The following SNTG2 variants were observed in gnomAD, a reference collection of about 807,000 sequenced individuals.
SNTG2 encodes the protein syntrophin gamma 2, also known as gamma-2-syntrophin.
In SNTG2, 74 loss-of-function variants were observed where a neutral mutation model predicts 70.9. That is an observed-to-expected ratio of 1.04 (90% CI 0.86 to 1.27). The LOEUF (loss-of-function observed/expected upper bound fraction) is 1.27. Ranked by LOEUF, SNTG2 falls within the 50% of genes most tolerant of loss-of-function variation. The probability of loss-of-function intolerance (pLI) is 0.00; values close to 1 mark genes in which losing one functional copy is unlikely to be tolerated. For synonymous variants in SNTG2, 278 were observed against 273.8 expected (o/e 1.02, Z -0.15); for missense variants, 717 against 690.7 (o/e 1.04, Z -0.43).
At chr2:1,228,268 A>G (rs999479527) in intron 9 of SNTG2, among the ~76,000 whole-genome samples, 1 of 152,224 alleles carries the variant, frequency 6.6e-6, no homozygotes, top group Non-Finnish European at 1.5e-5. Context: ...TGGCTTTGAC[A>G]TTTACAAAAT....
At chr2:956,228 GCCCCAC>G (rs1243823982) in intron 1 of SNTG2, among the ~76,000 whole-genome samples, 1 of 35,596 alleles carries the variant, frequency 2.8e-5, no homozygotes, top group African/African-American at 1.1e-4. Context: ...CCCCGCCCCT[GCCCCAC>G]CCCTGCCCCG....
At chr2:1,275,417 G>T (rs1679228038) in intron 14 of SNTG2, among the ~76,000 whole-genome samples, 2 of 152,192 alleles carry the variant, frequency 1.3e-5, no homozygotes, top group African/African-American at 2.4e-5. Context: ...CACATTGTGG[G>T]AATTCTTGCA....
chr2:1,025,091 C>T (rs1440751184), intron 1 of SNTG2, among the ~76,000 whole-genome samples: 1 of 152,200 alleles, frequency 6.6e-6, no homozygotes, highest in Non-Finnish European at 1.5e-5. Flanking sequence ...CACCAGAACA[C>T]TGAAGGGATG....
chr2:1,086,355 CA>C (rs1204870146), intron 2 of SNTG2, among the ~76,000 whole-genome samples: 1 of 152,150 alleles, frequency 6.6e-6, no homozygotes, highest in Non-Finnish European at 1.5e-5. Context: ...GCAGAAAGCC[CA>C]AAAAGTCAGA....
At chr2:1,168,808 G>C (rs1005204301) in intron 7 of SNTG2, among the ~76,000 whole-genome samples, 2 of 152,154 alleles carry the variant, frequency 1.3e-5, no homozygotes, top group Non-Finnish European at 2.9e-5. Context: ...AGACCTAGAG[G>C]GTTCTTGAGG....
In SNTG2 at chr2:1,064,235, A is replaced by G. The variant is rs1486618568; in HGVS notation, c.73-19283A>G. Among the ~76,000 whole-genome samples, 3 of 152,116 alleles carry G rather than the reference A, an allele frequency of 2.0e-5. No homozygotes were observed. In the East Asian group the frequency reaches 5.8e-4, roughly 29 times the overall value. ...ATTAGAGATCCATTCAAACAGAAGT[A>G]AAATAAAAAGATTAAACCCTTAAAC... On this transcript the variant is annotated intron_variant, in intron 1 of 16. Transcript: ENST00000308624.
At chr2:1,286,557 A>G (rs1444455342) in intron 14 of SNTG2, among the ~76,000 whole-genome samples, 1 of 152,238 alleles carries the variant, frequency 6.6e-6, no homozygotes, top group Non-Finnish European at 1.5e-5. Flanking sequence ...ACACCATGAC[A>G]GTGGATAAGG....
intron 6 of SNTG2, among the ~76,000 whole-genome samples, chr2:1,144,499 T>C (rs755432783): frequency 2.6e-5 from 4 of 152,184 alleles, no homozygotes; most frequent in Non-Finnish European, 5.9e-5. Context: ...AGAACAGATA[T>C]TGTATCAGTC....
chr2:1,117,154 T>G (rs2148277243), intron 4 of SNTG2, among the ~76,000 whole-genome samples: 1 of 152,070 alleles, frequency 6.6e-6, no homozygotes, highest in South Asian at 2.1e-4. Context: ...GGTGCTTTGC[T>G]GTATGGATGC....
At chr2:969,281 T>C (rs1660664636) in intron 1 of SNTG2, among the ~76,000 whole-genome samples, 1 of 150,358 alleles carries the variant, frequency 6.7e-6, no homozygotes, top group South Asian at 2.1e-4. Flanking sequence ...GTAGTATAGT[T>C]TGAAGTTGGG....
rs776974208 is a variant in SNTG2, at chr2:1,137,817, A to G, written c.411+8A>G. ...GCAACTCATGAAGAAGTGGTAAGTG[A>G]ATTACATTTTATAGTTATTCTGTTT... On this transcript the variant is annotated splice_region_variant and intron_variant, in intron 6 of 16. Coordinates refer to ENST00000308624, the MANE Select transcript of SNTG2 (RefSeq NM_018968.4). 6.2e-7 allele frequency: 1 copy of G among 1,605,946 alleles called. No individual in the cohort carries two copies. The highest frequency in any genetic ancestry group is 8.5e-7 in the Non-Finnish European group (1 of 1,173,646).
At chr2:1,189,925 A>G (rs1672477247) in intron 8 of SNTG2, among the ~76,000 whole-genome samples, 1 of 152,202 alleles carries the variant, frequency 6.6e-6, no homozygotes, top group Non-Finnish European at 1.5e-5. Flanking sequence ...GAAGCTTAGA[A>G]TAAAAAATAC....
At chr2:1,333,017 C>T (rs866696329) in intron 16 of SNTG2, among the ~76,000 whole-genome samples, 5 of 152,096 alleles carry the variant, frequency 3.3e-5, no homozygotes, top group East Asian at 1.9e-4. Flanking sequence ...GTCAAACTAT[C>T]GCTGTTTGCT....
intron 16 of SNTG2, among the ~76,000 whole-genome samples, chr2:1,348,772 C>T (rs1226431125): frequency 6.6e-6 from 1 of 152,204 alleles, no homozygotes; most frequent in Non-Finnish European, 1.5e-5. Flanking sequence ...GAATAAATTT[C>T]TTCAAATATT....
At chr2:1,255,855 T>TATATATAAAC (rs1678043541) in intron 12 of SNTG2, among the ~76,000 whole-genome samples, 1 of 59,950 alleles carries the variant, frequency 1.7e-5, no homozygotes, top group Non-Finnish European at 2.8e-5. Context: ...TATATATAAA[T>TATATATAAAC]ATATATAAAT....
chr2:1,316,231 T>C, intron 15 of SNTG2, 34 bp from the exon 16 acceptor site: 1 of 1,086,534 alleles, frequency 9.2e-7, no homozygotes, highest in Non-Finnish European at 1.4e-6. Context: ...GAGCTCTTGT[T>C]TAGAAATCGC....
intron 1 of SNTG2, among the ~76,000 whole-genome samples, chr2:979,673 A>C (rs1419043790): frequency 6.6e-6 from 1 of 152,088 alleles, no homozygotes; most frequent in East Asian, 1.9e-4. Flanking sequence ...CTCTCCTTTA[A>C]AAAGACATTT....
intron 16 of SNTG2, among the ~76,000 whole-genome samples, chr2:1,362,559 G>C (rs145576430): frequency 0.39 from 48,109 of 123,772 alleles, 11,315 homozygotes; most frequent in Middle Eastern, 0.46. Context: ...CATTTCAATA[G>C]AACTTCCATG....
chr2:1,142,025 G>C (rs1400583112), intron 6 of SNTG2, among the ~76,000 whole-genome samples: 1 of 152,160 alleles, frequency 6.6e-6, no homozygotes, highest in Non-Finnish European at 1.5e-5. Flanking sequence ...GAGATCTGCA[G>C]TACAAAGAGT....
Sources: allele counts gnomAD v4.1 joint callset (sites outside exome capture counted in the v4.1 genomes callset), GRCh38; gene constraint gnomAD v4.1.1; transcripts MANE v1.5; gene names NCBI Gene and HGNC (gene_info 2026-07-23, HGNC 2026-07-21).